Variants in BMPR1B observed in about 807,000 individuals in gnomAD.
BMPR1B encodes the protein bone morphogenetic protein receptor type 1B.
In BMPR1B, 12 loss-of-function variants were observed where a neutral mutation model predicts 59.1. The observed-to-expected ratio is 0.20, with a 90% CI of 0.13 to 0.33. BMPR1B has a LOEUF of 0.33. Ranked by LOEUF, BMPR1B falls within the 10% of genes least tolerant of loss-of-function variation. The pLI, the probability that BMPR1B is intolerant of heterozygous loss-of-function variation, is 1.00. For synonymous variants in BMPR1B, 237 were observed against 207.3 expected (o/e 1.14, Z -1.23); for missense variants, 550 against 610.9 (o/e 0.90, Z 1.05).
chr4:95,008,980 C>T (rs771744428), intron 3 of BMPR1B, among the ~76,000 whole-genome samples: 12 of 151,946 alleles, frequency 7.9e-5, no homozygotes, highest in Non-Finnish European at 1.3e-4. Flanking sequence ...CCTTGAGCCC[C>T]GGAGTTGATG....
chr4:94,951,470 T>C (rs1443358746), intron 2 of BMPR1B, among the ~76,000 whole-genome samples: 2 of 152,176 alleles, frequency 1.3e-5, no homozygotes, highest in African/African-American at 2.4e-5. Flanking sequence ...GTATTGAGTG[T>C]TTTTAGCATG....
intron 2 of BMPR1B, among the ~76,000 whole-genome samples, chr4:94,934,498 A>G (rs1729215405): frequency 7.8e-6 from 1 of 128,190 alleles, no homozygotes. Context: ...AATTTCTCTC[A>G]GGAACAAATG....
intron 2 of BMPR1B, among the ~76,000 whole-genome samples, chr4:94,921,106 C>T (rs1276000947): frequency 6.6e-6 from 1 of 152,110 alleles, no homozygotes; most frequent in Non-Finnish European, 1.5e-5. Context: ...CTCCTACACC[C>T]TCACTAGGCC....
chr4:94,804,035 C>T (rs1284250180), intron 1 of BMPR1B, among the ~76,000 whole-genome samples: 3 of 152,088 alleles, frequency 2.0e-5, no homozygotes, highest in South Asian at 2.1e-4. Context: ...CCCGCCACCA[C>T]GCCCGGCTAA....
chr4:94,786,599 T>C (rs1004622231), intron 1 of BMPR1B, among the ~76,000 whole-genome samples: 2 of 152,134 alleles, frequency 1.3e-5, no homozygotes, highest in African/African-American at 4.8e-5. Flanking sequence ...AATGCAGTGG[T>C]GCGATCTCAG....
chr4:94,782,577 A>T (rs1236399573), intron 1 of BMPR1B, among the ~76,000 whole-genome samples: 1 of 152,170 alleles, frequency 6.6e-6, no homozygotes, highest in African/African-American at 2.4e-5. Context: ...AAGTGCTGGG[A>T]TTACAGGTGT....
At chr4:95,035,336 A>G (rs6853845) in intron 3 of BMPR1B, among the ~76,000 whole-genome samples, 145,285 of 152,260 alleles carry the variant, frequency 0.95, 69,349 homozygotes, top group Middle Eastern at 0.99. Context: ...TGGATTCTTG[A>G]TCATGAACTC....
chr4:95,044,359 C>T (rs541216371), intron 3 of BMPR1B, among the ~76,000 whole-genome samples: 1 of 152,330 alleles, frequency 6.6e-6, no homozygotes, highest in African/African-American at 2.4e-5. Context: ...AGGCTCCATG[C>T]TGTGCACTTG....
At chr4:94,761,829 A>G (rs1260521489) in intron 1 of BMPR1B, among the ~76,000 whole-genome samples, 2 of 152,166 alleles carry the variant, frequency 1.3e-5, no homozygotes, top group African/African-American at 2.4e-5. Context: ...GCTGAATTTT[A>G]TATGATGGCA....
intron 1 of BMPR1B, among the ~76,000 whole-genome samples, chr4:94,772,244 C>T (rs1246001200): frequency 6.6e-6 from 1 of 152,200 alleles, no homozygotes. Flanking sequence ...TTCATATCTT[C>T]ACACACTTTT....
intron 10 of BMPR1B, among the ~76,000 whole-genome samples, chr4:95,137,949 A>T (rs541901548): frequency 1.7e-4 from 26 of 152,276 alleles, no homozygotes; most frequent in Non-Finnish European, 2.2e-4. Flanking sequence ...TCCTGTCATT[A>T]TGATGTTAGC....
intron 3 of BMPR1B, among the ~76,000 whole-genome samples, chr4:95,031,063 G>A (rs181054035): frequency 6.6e-6 from 1 of 151,892 alleles, no homozygotes; most frequent in Non-Finnish European, 1.5e-5. Context: ...GCATCGCCAA[G>A]TCAATCCTAA....
chr4:94,835,792 G>T (rs1388420720), intron 1 of BMPR1B, among the ~76,000 whole-genome samples: 2 of 151,910 alleles, frequency 1.3e-5, no homozygotes, highest in Admixed American at 1.3e-4. Context: ...AAGTTTTAGG[G>T]TACATGTGCA....
At position 95,115,789 on chromosome 4, in the gene BMPR1B, TAAGTG is replaced by T. The variant is rs1224810419; in HGVS notation, c.349+4_349+8del. 6.2e-7 allele frequency: 1 copy of T among 1,607,158 alleles called. No homozygotes were observed. Among genetic ancestry groups the T allele is most frequent in the Non-Finnish European group, 8.5e-7 (1 of 1,174,178 alleles). ...CACTGCCTCCATTGAAAAACAGAGG[TAAGTG>T]AGGAAGGCTTCCAGCCTGGAAAATC... On this transcript the variant is annotated splice_donor_5th_base_variant and intron_variant, in intron 6 of 12. Transcript: ENST00000515059.
At chr4:94,937,355 C>A (rs1057079356) in intron 2 of BMPR1B, among the ~76,000 whole-genome samples, 8 of 152,150 alleles carry the variant, frequency 5.3e-5, no homozygotes, top group Admixed American at 4.6e-4. Context: ...CATTTTGATT[C>A]TCAGTATACC....
chr4:94,935,179 A>G (rs1334332836), intron 2 of BMPR1B, among the ~76,000 whole-genome samples: 1 of 152,112 alleles, frequency 6.6e-6, no homozygotes, highest in Non-Finnish European at 1.5e-5. Flanking sequence ...CTTCAAGGGC[A>G]GTTTGCATTT....
chr4:95,046,709 G>C (rs1233864328), intron 3 of BMPR1B, among the ~76,000 whole-genome samples: 1 of 152,092 alleles, frequency 6.6e-6, no homozygotes, highest in Non-Finnish European at 1.5e-5. Context: ...CTGCCCTTCT[G>C]TCAGGTGTAC....
chr4:94,849,582 G>C (rs200135172), intron 1 of BMPR1B, among the ~76,000 whole-genome samples: 1 of 152,098 alleles, frequency 6.6e-6, no homozygotes, highest in Non-Finnish European at 1.5e-5. Flanking sequence ...CTAGTAGAGA[G>C]AGAAAAGAGA....
At chr4:94,904,721 A>G (rs1421351891) in intron 2 of BMPR1B, among the ~76,000 whole-genome samples, 2 of 152,048 alleles carry the variant, frequency 1.3e-5, no homozygotes, top group Non-Finnish European at 2.9e-5. Flanking sequence ...AAAATATATT[A>G]CATTGTAAAA....
Sources: gnomAD v4.1 joint callset for allele counts (sites outside exome capture counted in the v4.1 genomes callset) on GRCh38, gnomAD v4.1.1 for gene constraint, MANE v1.5 for transcripts, NCBI Gene and HGNC (gene_info 2026-07-23, HGNC 2026-07-21) for gene names.